The following WDR37 variants were observed in gnomAD, a reference collection of about 807,000 sequenced individuals.
WDR37 encodes the protein WD repeat-containing protein 37.
WDR37 carries 19 observed loss-of-function variants against 62.9 expected under a neutral mutation model. The ratio of observed to expected loss-of-function variants is 0.30; its 90% confidence interval spans 0.21 to 0.44. The LOEUF (loss-of-function observed/expected upper bound fraction) is 0.44, where lower values mean the gene tolerates loss of function less well. Ranked by LOEUF, WDR37 falls within the 20% of genes least tolerant of loss-of-function variation. WDR37 has a pLI of 1.00. For missense variants in WDR37, 474 were observed against 657.6 expected, an observed-to-expected ratio of 0.72 and a Z score of 3.05; for synonymous variants, 250 against 260.9, an observed-to-expected ratio of 0.96 and a Z score of 0.40.
At chr10:1,115,777 T>G (rs1162266815) in intron 11 of WDR37, among the ~76,000 whole-genome samples, 1 of 152,142 alleles carries the variant, frequency 6.6e-6, no homozygotes, top group Non-Finnish European at 1.5e-5. Flanking sequence ...TTTGAGTCCT[T>G]GTCTGTGGGG....
At chr10:1,082,966 TTA>T (rs1834078130) in intron 5 of WDR37, among the ~76,000 whole-genome samples, 7 of 152,204 alleles carry the variant, frequency 4.6e-5, no homozygotes, top group African/African-American at 1.7e-4. Flanking sequence ...GTTACTTATG[TTA>T]GAAATGGTGA....
At chr10:1,072,399 C>G in intron 2 of WDR37, 106 bp downstream of exon 2, 1 of 1,462,064 alleles carries the variant, frequency 6.8e-7, no homozygotes, top group Admixed American at 1.9e-5. Context: ...CTCACAACCT[C>G]CACCTCCTGG....
In WDR37 at chr10:1,103,078, A is replaced by G. The variant is rs1834880471; in HGVS notation, c.727-524A>G. ...CAGATTTTCTTACAGAGCTGGCTGT[A>G]ATGTGTTTGTTTTAGCCTTGGCCTT... On this transcript the variant is annotated intron_variant, in intron 9 of 13. Transcript: ENST00000263150. The surrounding 1 kb of genome is among the most constrained non-coding windows in gnomAD (Gnocchi z 6.3). Among the ~76,000 whole-genome samples the G allele has an allele frequency of 6.6e-6, 1 of 152,158 alleles. No homozygotes were observed. Among genetic ancestry groups the G allele is most frequent in the East Asian group, 1.9e-4 (1 of 5,200 alleles).
chr10:1,122,191 G>C (rs568224334), intron 11 of WDR37, among the ~76,000 whole-genome samples: 1 of 152,128 alleles, frequency 6.6e-6, no homozygotes, highest in African/African-American at 2.4e-5. Flanking sequence ...ACTGGACCTC[G>C]ATGAGGGTAG....
rs748479946 is a variant in WDR37, at chr10:1,129,363, G to C, written c.*19G>C. The C allele has an allele frequency of 1.2e-5, 19 of 1,613,604 alleles. No homozygotes were observed. The highest frequency in any genetic ancestry group is 7.6e-6 in the Non-Finnish European group (9 of 1,179,760). On this transcript the variant is annotated 3_prime_UTR_variant, in exon 14 of 14. Transcript: ENST00000263150. Reference sequence around the variant, plus strand: ...AAAATAAGGACACCGGCAGCCCTTAGTTTCACTGTTTGCCAGCACAGACCT... The same window carrying C: ...AAAATAAGGACACCGGCAGCCCTTACTTTCACTGTTTGCCAGCACAGACCT...
chr10:1,094,529 A>AT (rs1407731355), intron 8 of WDR37, among the ~76,000 whole-genome samples: 1 of 152,232 alleles, frequency 6.6e-6, no homozygotes, highest in Non-Finnish European at 1.5e-5. Context: ...CCCAGACCAC[A>AT]TAGCTGACTT....
chr10:1,125,183 A>G (rs2131694421), intron 13 of WDR37, 159 bp downstream of exon 13: 1 of 854,550 alleles, frequency 1.2e-6, no homozygotes, highest in East Asian at 1.2e-4. Flanking sequence ...TTGAAGAAGT[A>G]GAGTTGTACA....
chr10:1,095,634 C>T (rs75770520), intron 8 of WDR37, among the ~76,000 whole-genome samples: 70 of 152,308 alleles, frequency 4.6e-4, no homozygotes, highest in Non-Finnish European at 7.2e-4. Flanking sequence ...TTCTGTGCCC[C>T]GCAGTGCTGT....
rs146924925 is a variant in WDR37 at position 1,131,103 on chromosome 10, C to A, written c.*1759C>A. On this transcript the variant is annotated 3_prime_UTR_variant, in exon 14 of 14. Coordinates refer to ENST00000263150, the MANE Select transcript of WDR37 (RefSeq NM_014023.4). ...CCTGGTCCCTCTGGTTGATTAGAAT[C>A]TCAGGTTTCAGCTCCTGCTGTCCTG... is the stretch of plus-strand genomic sequence containing the variant. The A allele has an allele frequency of 3.8e-3, 585 of 152,426 alleles. 5 individuals carry two copies. The highest frequency in any genetic ancestry group is 0.013 in the African/African-American group (549 of 41,592). 9.4% of individuals were successfully genotyped at this position (152,426 alleles called of 1,614,324 possible).
intron 5 of WDR37, among the ~76,000 whole-genome samples, chr10:1,080,868 C>T (rs998480685): frequency 3.3e-5 from 5 of 150,948 alleles, no homozygotes; most frequent in African/African-American, 4.9e-5. Context: ...CTTACACCAC[C>T]GCACTCTAGC....
chr10:1,110,428 G>A (rs566722990), intron 11 of WDR37, among the ~76,000 whole-genome samples: 2 of 152,298 alleles, frequency 1.3e-5, no homozygotes, highest in Admixed American at 6.5e-5. Context: ...CTTTGTCTCC[G>A]GCATGGGTTT....
In WDR37 at chr10:1,124,188, T is replaced by G. The variant is rs1174261429; in HGVS notation, c.1104-30T>G. ...TGGTGTCACGTCCTGCACCTGCTGTTGCATCTGACTCTGTGCCCTTTGTTC... is the reference window on the plus strand; with the variant it reads ...TGGTGTCACGTCCTGCACCTGCTGTGGCATCTGACTCTGTGCCCTTTGTTC... On this transcript the variant is annotated intron_variant, in intron 11 of 13. Coordinates refer to ENST00000263150, the MANE Select transcript of WDR37 (RefSeq NM_014023.4). The G allele has an allele frequency of 2.5e-6, 4 of 1,613,554 alleles. No homozygotes were observed. In the South Asian group the frequency reaches 4.4e-5, roughly 18 times the overall value.
chr10:1,093,378 C>G, intron 7 of WDR37, 74 bp from the exon 8 acceptor site: 6 of 1,185,044 alleles, frequency 5.1e-6, no homozygotes, highest in Non-Finnish European at 7.4e-6. Context: ...TTGAAATACA[C>G]GCTATAGCTA....
chr10:1,096,315 A>T, intron 9 of WDR37, 69 bp downstream of exon 9: 1 of 1,521,924 alleles, frequency 6.6e-7, no homozygotes, highest in South Asian at 1.1e-5. Flanking sequence ...TCCATTTATG[A>T]TATCTGTCAT....
chr10:1,067,335 A>G (rs1412599856), intron 1 of WDR37, among the ~76,000 whole-genome samples: 2 of 152,252 alleles, frequency 1.3e-5, no homozygotes, highest in African/African-American at 2.4e-5. Flanking sequence ...ACAGAAAACT[A>G]TAAAAAATTC....
intron 2 of WDR37, chr10:1,074,605 C>T (rs1564498596): frequency 8.3e-6 from 9 of 1,082,886 alleles, no homozygotes; most frequent in South Asian, 5.5e-5. Context: ...CTGCCGTGGG[C>T]GGGAGAGAGC....
chr10:1,099,641 C>A (rs529636759), intron 9 of WDR37, among the ~76,000 whole-genome samples: 1 of 152,338 alleles, frequency 6.6e-6, no homozygotes, highest in South Asian at 2.1e-4. Flanking sequence ...TAACACTGTC[C>A]ACTAACACGC....
At chr10:1,107,630 C>G (rs564677074) in intron 11 of WDR37, among the ~76,000 whole-genome samples, 1 of 151,368 alleles carries the variant, frequency 6.6e-6, no homozygotes, top group African/African-American at 2.4e-5. Context: ...ACCGCTGTCT[C>G]TTTACACATG....
intron 1 of WDR37, among the ~76,000 whole-genome samples, chr10:1,059,955 G>T (rs756392305): frequency 6.6e-6 from 1 of 151,956 alleles, no homozygotes; most frequent in South Asian, 2.1e-4. Flanking sequence ...AGCAATTCTC[G>T]TGCCTCAGCC....
Sources: gnomAD v4.1 joint callset for allele counts (sites outside exome capture counted in the v4.1 genomes callset) on GRCh38, gnomAD v4.1.1 for gene constraint, Gnocchi (gnomAD v3.1) non-coding constraint, MANE v1.5 for transcripts, NCBI Gene and HGNC (gene_info 2026-07-23, HGNC 2026-07-21) for gene names.